BAIAP2: variants seen among roughly 807,000 people sequenced by gnomAD.
BAIAP2 encodes BAR/IMD domain-containing adapter protein 2.
Under a neutral mutation model 63.0 loss-of-function variants are expected in BAIAP2, and 18 were observed. That is an observed-to-expected ratio of 0.29 (90% CI 0.20 to 0.42). The LOEUF is 0.42. BAIAP2 is among the 10% of genes least tolerant of loss of function. The probability of loss-of-function intolerance (pLI) is 1.00; values close to 1 mark genes in which losing one functional copy is unlikely to be tolerated. For missense variants in BAIAP2, 610 were observed against 734.3 expected (o/e 0.83, Z 1.96); for synonymous variants, 386 against 307.6 (o/e 1.25, Z -2.67).
intron 3 of BAIAP2, among the ~76,000 whole-genome samples, chr17:81,082,332 T>A (rs1325965860): frequency 6.6e-6 from 1 of 152,190 alleles, no homozygotes; most frequent in East Asian, 1.9e-4. Context: ...ACATATGTGA[T>A]ACCTCCCCGG....
chr17:81,115,727 T>C (rs2146244160), intron 13 of BAIAP2, 43 bp from the exon 14 acceptor site: 2 of 1,612,564 alleles, frequency 1.2e-6, no homozygotes, highest in East Asian at 2.2e-5. Context: ...AATTCACCCA[T>C]GGCTTCCGCC....
At chr17:81,049,824 G>A (rs1316607474) in intron 1 of BAIAP2, among the ~76,000 whole-genome samples, 1 of 152,254 alleles carries the variant, frequency 6.6e-6, no homozygotes, top group African/African-American at 2.4e-5. Flanking sequence ...GGCCTGATTA[G>A]GGGAGCCGGA....
chr17:81,102,546 A>G (rs928901256), intron 7 of BAIAP2, among the ~76,000 whole-genome samples: 4 of 152,244 alleles, frequency 2.6e-5, no homozygotes, highest in Admixed American at 6.5e-5. Context: ...CTGTGTTGCA[A>G]TAAAACTTTA....
chr17:81,103,901 C>G lies in BAIAP2; in HGVS notation c.865-6C>G, dbSNP rs1188984346. ...GCAACAGCCTGCTCTGCCTGCTTCC[C>G]TGCAGCGGATGTCTGCCCAGGAGAG... is the stretch of plus-strand genomic sequence containing the variant. On this transcript the variant is annotated splice_region_variant and splice_polypyrimidine_tract_variant and intron_variant, in intron 8 of 13. Coordinates refer to ENST00000428708, the MANE Select transcript of BAIAP2 (RefSeq NM_001144888.2). 1 of 1,612,822 alleles carries G rather than the reference C, an allele frequency of 6.2e-7. No individual in the cohort carries two copies.
At chr17:81,075,280 C>T (rs570771713) in intron 3 of BAIAP2, among the ~76,000 whole-genome samples, 2 of 152,232 alleles carry the variant, frequency 1.3e-5, no homozygotes, top group African/African-American at 4.8e-5. Context: ...CTCTCTCTTC[C>T]GGGACCATCC....
intron 6 of BAIAP2, among the ~76,000 whole-genome samples, chr17:81,094,358 T>G (rs1192549571): frequency 6.6e-6 from 1 of 152,182 alleles, no homozygotes; most frequent in African/African-American, 2.4e-5. Flanking sequence ...TGTTGGGACC[T>G]GTTGTTCCTG....
intron 1 of BAIAP2, among the ~76,000 whole-genome samples, chr17:81,040,590 G>A (rs906374675): frequency 1.3e-5 from 2 of 152,284 alleles, no homozygotes; most frequent in Non-Finnish European, 2.9e-5. Flanking sequence ...CAGCCTGTGA[G>A]GGGCCCATCG....
intron 6 of BAIAP2, 86 bp downstream of exon 6, chr17:81,086,666 C>A: frequency 2.0e-6 from 3 of 1,494,912 alleles, no homozygotes; most frequent in Non-Finnish European, 2.8e-6. Flanking sequence ...AGGGAGTGGA[C>A]AGCAGCCCCC....
Position 81,053,679 on chromosome 17 carries a change from G to A in BAIAP2, c.66G>A (p.Glu22=), listed in dbSNP as rs1471525174. ...CTGCTTTCTTCCAGACCATCATGGAGCAGTTCAACCCTAGCCTCCGGAACT... is the reference window on the plus strand; with the variant it reads ...CTGCTTTCTTCCAGACCATCATGGAACAGTTCAACCCTAGCCTCCGGAACT... ...LTENVYKTIM[E]QFNPSLRNFI... is the part of the protein sequence containing the mutation. The change falls in exon 2 of 14, where the codon GAG becomes GAA. Residue 22 remains glutamate, a synonymous_variant. Coordinates refer to ENST00000428708, the MANE Select transcript of BAIAP2 (RefSeq NM_001144888.2). 5 of 1,614,170 alleles carry A rather than the reference G, an allele frequency of 3.1e-6. No homozygotes were observed. The highest frequency in any genetic ancestry group is 1.1e-5 in the South Asian group (1 of 91,092).
chr17:81,105,060 G>T (rs2058982167), intron 10 of BAIAP2: 1 of 229,108 alleles, frequency 4.4e-6, no homozygotes, highest in Non-Finnish European at 9.0e-6. Context: ...CATGGCAGGG[G>T]TCTCCCCCCA....
intron 13 of BAIAP2, among the ~76,000 whole-genome samples, chr17:81,111,485 C>T (rs1453557516): frequency 1.3e-5 from 2 of 152,228 alleles, no homozygotes; most frequent in Admixed American, 1.3e-4. Flanking sequence ...TGCTGTTAGT[C>T]TGACCTTGCC....
intron 10 of BAIAP2, chr17:81,105,636 C>G (rs1224048099): frequency 5.9e-6 from 1 of 168,926 alleles, no homozygotes; most frequent in Non-Finnish European, 1.3e-5. Context: ...GGAAAAGGCC[C>G]TGACATTTGT....
intron 7 of BAIAP2, 58 bp downstream of exon 7, chr17:81,100,138 C>A: frequency 6.5e-7 from 1 of 1,548,662 alleles, no homozygotes; most frequent in East Asian, 2.3e-5. Flanking sequence ...AGAAATGACC[C>A]AGGCCCCTGC....
At chr17:81,114,741 G>A (rs1446428956) in intron 13 of BAIAP2, among the ~76,000 whole-genome samples, 4 of 152,194 alleles carry the variant, frequency 2.6e-5, no homozygotes, top group African/African-American at 4.8e-5. Context: ...GCAGCTGGAC[G>A]GAACCCTGCC....
chr17:81,035,221 G>A lies in BAIAP2; in HGVS notation c.-34G>A, dbSNP rs751851186. On this transcript the variant is annotated 5_prime_UTR_variant, in exon 1 of 14. Transcript: ENST00000428708. ...GCTGCTGCCGCCGCTTGCGTCCCCC[G>A]CTCCGGTCTGTGGTGCAGCCGGGAC... 5 of 1,470,156 alleles carry A rather than the reference G, an allele frequency of 3.4e-6. No individual in the cohort carries two copies. The Admixed American group carries it at 6.4e-5, about 19-fold the overall frequency. The allele number at this position is 1,470,156 out of a possible 1,614,324, so 91.1% of individuals were successfully genotyped here. A position where few individuals can be genotyped will look rare whatever the true frequency, so the allele number is the denominator to read the frequency against.
chr17:81,110,874 C>T (rs756537573), intron 13 of BAIAP2: 2 of 1,613,224 alleles, frequency 1.2e-6, no homozygotes, highest in African/African-American at 2.7e-5. Flanking sequence ...AGTCCTCAGA[C>T]CCCATGCTGC....
intron 1 of BAIAP2, among the ~76,000 whole-genome samples, chr17:81,041,732 G>A (rs577190734): frequency 1.3e-5 from 2 of 152,134 alleles, no homozygotes; most frequent in East Asian, 1.9e-4. Context: ...GCGCCACCAC[G>A]CCTGGCTAAT....
At chr17:81,071,111 T>A (rs12603750) in intron 3 of BAIAP2, among the ~76,000 whole-genome samples, 44 of 150,860 alleles carry the variant, frequency 2.9e-4, no homozygotes, top group South Asian at 2.1e-4. Context: ...TTTTTTTTTT[T>A]CCCCCATTGG....
intron 13 of BAIAP2, chr17:81,108,935 A>G (rs2059527420): frequency 6.5e-7 from 1 of 1,541,812 alleles, no homozygotes; most frequent in Non-Finnish European, 8.7e-7. Context: ...AGCGTCGTGC[A>G]GCCAGGCAGC....
Sources: allele counts gnomAD v4.1 joint callset (sites outside exome capture counted in the v4.1 genomes callset), GRCh38; gene constraint gnomAD v4.1.1; transcripts MANE v1.5; gene names NCBI Gene and HGNC (gene_info 2026-07-23, HGNC 2026-07-21).